The following SPECC1 variants were observed in gnomAD, a reference collection of about 807,000 sequenced individuals.
SPECC1 encodes sperm antigen with calponin homology and coiled-coil domains 1.
In SPECC1, 62 loss-of-function variants were observed where a neutral mutation model predicts 104.1. The observed-to-expected ratio is 0.60, with a 90% CI of 0.49 to 0.74. The LOEUF is 0.74. Ranked by LOEUF, SPECC1 falls within the 30% of genes least tolerant of loss-of-function variation. SPECC1 has a pLI of 0.00. For missense variants in SPECC1, 1,306 were observed against 1,310.5 expected, an observed-to-expected ratio of 1.00 and a Z score of 0.05; for synonymous variants, 513 against 501.6, an observed-to-expected ratio of 1.02 and a Z score of -0.30.
chr17:20,208,251 G>A (rs1448256804), intron 4 of SPECC1, among the ~76,000 whole-genome samples: 1 of 152,180 alleles, frequency 6.6e-6, no homozygotes, highest in Non-Finnish European at 1.5e-5. Flanking sequence ...GAGAGTTTGA[G>A]GTAAAGATGG....
At position 20,315,942 on chromosome 17, in the gene SPECC1, TG is replaced by T. The variant is rs2042035084; in HGVS notation, c.*1878del. On this transcript the variant is annotated 3_prime_UTR_variant, in exon 15 of 15. Coordinates refer to ENST00000395527, the MANE Select transcript of SPECC1 (RefSeq NM_001243439.2). ...GACCAGAGATGCAGTTCACATGTTT[TG>T]TAAGTTCTTTAGGCGACTGAAGCAC... 8.6e-6 allele frequency: 2 copies of T among 232,630 alleles called. No individual in the cohort carries two copies. Among genetic ancestry groups the T allele is most frequent in the East Asian group, 1.2e-4 (2 of 16,536 alleles). 14.4% of individuals were successfully genotyped at this position (232,630 alleles called of 1,614,324 possible).
chr17:20,025,225 C>G (rs1455157459), intron 1 of SPECC1, among the ~76,000 whole-genome samples: 2 of 152,188 alleles, frequency 1.3e-5, no homozygotes, highest in Non-Finnish European at 2.9e-5. Flanking sequence ...GGGACAGAGC[C>G]TTGCCTCAGG....
rs1167847317 is a variant in SPECC1 at position 20,112,926 on chromosome 17, A to G, written c.283+2364A>G. ...CAAGAAGCCAACCTGAGAGGGTCCA[A>G]CATGAAGGGAGCTAGATTTGAAGAG... On this transcript the variant is annotated intron_variant, in intron 3 of 14. Coordinates refer to ENST00000395527, the MANE Select transcript of SPECC1 (RefSeq NM_001243439.2). 1.5e-5 allele frequency: 22 copies of G among 1,501,568 alleles called. 1 individual carries two copies. In the South Asian group the frequency reaches 2.1e-4, roughly 15 times the overall value. The allele number at this position is 1,501,568 out of a possible 1,614,324, so 93.0% of individuals were successfully genotyped here. A position where few individuals can be genotyped will look rare whatever the true frequency, so the allele number is the denominator to read the frequency against.
chr17:20,160,819 A>G (rs762471734), intron 3 of SPECC1, among the ~76,000 whole-genome samples: 1 of 152,136 alleles, frequency 6.6e-6, no homozygotes, highest in Non-Finnish European at 1.5e-5. Flanking sequence ...ACTAACCTGC[A>G]CTATGAAAGT....
chr17:20,283,723 A>G (rs1438349353), intron 12 of SPECC1, among the ~76,000 whole-genome samples: 1 of 152,084 alleles, frequency 6.6e-6, no homozygotes, highest in African/African-American at 2.4e-5. Context: ...AGTAGCTGGG[A>G]CTACAGCTGC....
At position 20,316,324 on chromosome 17, in the gene SPECC1, G is replaced by A. The variant is rs1009717840; in HGVS notation, c.*2259G>A. ...AGGCAGTTGCTGTCTTGGGATACCC[G>A]GAGTGGGAGTGGGTGTTTTCTGTGA... On this transcript the variant is annotated 3_prime_UTR_variant, in exon 15 of 15. Coordinates refer to ENST00000395527, the MANE Select transcript of SPECC1 (RefSeq NM_001243439.2). 9 of 230,014 alleles carry A rather than the reference G, an allele frequency of 3.9e-5. No individual in the cohort carries two copies. The highest frequency in any genetic ancestry group is 1.8e-4 in the East Asian group (3 of 16,232). 14.2% of individuals were successfully genotyped at this position (230,014 alleles called of 1,614,324 possible).
intron 13 of SPECC1, among the ~76,000 whole-genome samples, chr17:20,300,138 G>C (rs986888749): frequency 1.4e-4 from 22 of 152,350 alleles, no homozygotes; most frequent in Non-Finnish European, 2.6e-4. Flanking sequence ...GAGTGGAGGA[G>C]AGCACCCAGT....
intron 3 of SPECC1, among the ~76,000 whole-genome samples, chr17:20,121,362 C>CT (rs11338495): frequency 2.2e-3 from 295 of 136,130 alleles, no homozygotes; most frequent in East Asian, 0.011. Context: ...ATTCTGAATT[C>CT]TTTTTTTTGT....
chr17:20,085,046 A>T (rs1405411184), intron 1 of SPECC1, among the ~76,000 whole-genome samples: 1 of 152,230 alleles, frequency 6.6e-6, no homozygotes, highest in Non-Finnish European at 1.5e-5. Flanking sequence ...GAAAAGCAGG[A>T]GTTCAGGCTG....
At chr17:20,267,536 C>A (rs2040257271) in intron 12 of SPECC1, among the ~76,000 whole-genome samples, 1 of 152,000 alleles carries the variant, frequency 6.6e-6, no homozygotes, top group Admixed American at 6.6e-5. Flanking sequence ...TAATCACAAA[C>A]CCCTGTAGAA....
At chr17:20,122,749 C>A (rs749595033) in intron 3 of SPECC1, among the ~76,000 whole-genome samples, 3 of 152,166 alleles carry the variant, frequency 2.0e-5, no homozygotes, top group African/African-American at 7.2e-5. Flanking sequence ...CTTTTGCAAC[C>A]GGCTTATTTC....
intron 12 of SPECC1, among the ~76,000 whole-genome samples, chr17:20,280,285 A>G (rs2040722114): frequency 6.6e-6 from 1 of 152,212 alleles, no homozygotes; most frequent in South Asian, 2.1e-4. Flanking sequence ...AGTGCATCTA[A>G]TCTTGACCAC....
In SPECC1 at chr17:20,204,691, A is replaced by G; in HGVS notation, c.642A>G (p.Gly214=). ...ATGCTTTGGGCCCAAATGTCGATGG[A>G]ACATCAGTCTCCCCAGGTGACACGG... The part of the protein sequence containing the change: ...GTDALGPNVD[G]TSVSPGDTEP... The change falls in exon 4 of 15, where the codon GGA becomes GGG. Residue 214 remains glycine, a synonymous_variant. Coordinates refer to ENST00000395527, the MANE Select transcript of SPECC1 (RefSeq NM_001243439.2). The G allele has an allele frequency of 1.2e-6, 2 of 1,613,926 alleles. No individual in the cohort carries two copies. The highest frequency in any genetic ancestry group is 1.7e-6 in the Non-Finnish European group (2 of 1,179,962).
intron 13 of SPECC1, among the ~76,000 whole-genome samples, chr17:20,297,468 G>A (rs1364852843): frequency 6.6e-6 from 1 of 152,238 alleles, no homozygotes; most frequent in East Asian, 1.9e-4. Flanking sequence ...AGAAATCTAT[G>A]TGACTGTTTA....
At chr17:20,206,375 A>G (rs980751095) in intron 4 of SPECC1, among the ~76,000 whole-genome samples, 8 of 152,218 alleles carry the variant, frequency 5.3e-5, no homozygotes, top group African/African-American at 1.9e-4. Flanking sequence ...CCCAATTTTC[A>G]ACTAAAATAT....
At chr17:20,188,809 A>C (rs957479935) in intron 3 of SPECC1, among the ~76,000 whole-genome samples, 9 of 152,174 alleles carry the variant, frequency 5.9e-5, no homozygotes, top group Admixed American at 3.9e-4. Context: ...CGATTCCTTA[A>C]ATTTCTTTGT....
At chr17:20,035,419 G>A (rs987321966) in intron 1 of SPECC1, among the ~76,000 whole-genome samples, 1 of 151,898 alleles carries the variant, frequency 6.6e-6, no homozygotes, top group African/African-American at 2.4e-5. Flanking sequence ...CTATAAGCAT[G>A]GTATATTTCA....
chr17:20,271,632 A>C (rs1450330738), intron 12 of SPECC1, among the ~76,000 whole-genome samples: 2 of 152,064 alleles, frequency 1.3e-5, no homozygotes, highest in African/African-American at 4.8e-5. Context: ...TCCTGAGGAG[A>C]TCTCTCTGGA....
At chr17:20,198,719 G>A (rs999237795) in intron 3 of SPECC1, among the ~76,000 whole-genome samples, 1 of 152,178 alleles carries the variant, frequency 6.6e-6, no homozygotes, top group Non-Finnish European at 1.5e-5. Context: ...TTTATTAAGA[G>A]GGGCACTTTG....
Sources: allele counts gnomAD v4.1 joint callset (sites outside exome capture counted in the v4.1 genomes callset), GRCh38; gene constraint gnomAD v4.1.1; transcripts MANE v1.5; gene names NCBI Gene and HGNC (gene_info 2026-07-23, HGNC 2026-07-21).